TRAPPC9: variants seen among roughly 807,000 people sequenced by gnomAD.
TRAPPC9 encodes the protein IKK2 binding protein.
A neutral mutation model predicts 124.0 loss-of-function variants in TRAPPC9; 83 were observed. The ratio of observed to expected loss-of-function variants is 0.67; its 90% confidence interval spans 0.56 to 0.80. TRAPPC9 has a LOEUF of 0.80. Among genes scored for constraint, TRAPPC9 ranks in the 30% least tolerant of loss-of-function variants. The pLI is 0.00. For synonymous variants in TRAPPC9, 638 were observed against 617.5 expected, an observed-to-expected ratio of 1.03 and a Z score of -0.49; for missense variants, 1,302 against 1,508.3, an observed-to-expected ratio of 0.86 and a Z score of 2.27.
intron 15 of TRAPPC9, among the ~76,000 whole-genome samples, chr8:140,264,586 G>A (rs2064552779): frequency 7.1e-6 from 1 of 141,600 alleles, no homozygotes; most frequent in Admixed American, 7.2e-5. Flanking sequence ...GGAAAGAAGA[G>A]AGAGAGAGGA....
intron 17 of TRAPPC9, among the ~76,000 whole-genome samples, chr8:140,160,727 T>C (rs1346246387): frequency 2.0e-5 from 3 of 152,092 alleles, no homozygotes; most frequent in East Asian, 1.9e-4. Context: ...CACATCAACA[T>C]GGCACATGTA....
At chr8:140,066,734 C>T (rs1842911958) in intron 17 of TRAPPC9, among the ~76,000 whole-genome samples, 1 of 152,138 alleles carries the variant, frequency 6.6e-6, no homozygotes. Flanking sequence ...TAATGGAAAA[C>T]TATTGTGTTT....
chr8:139,843,696 C>T (rs1055518914), intron 21 of TRAPPC9, among the ~76,000 whole-genome samples: 7 of 152,086 alleles, frequency 4.6e-5, no homozygotes, highest in Non-Finnish European at 8.8e-5. Context: ...TGGAAGGGGC[C>T]GGGAGCCAAG....
chr8:139,767,700 CT>C (rs1820676073), intron 21 of TRAPPC9, among the ~76,000 whole-genome samples: 1 of 152,248 alleles, frequency 6.6e-6, no homozygotes, highest in Non-Finnish European at 1.5e-5. Flanking sequence ...AGGACAAGCA[CT>C]TCATCAAAGA....
At chr8:140,081,626 G>A (rs562711337) in intron 17 of TRAPPC9, among the ~76,000 whole-genome samples, 74 of 152,298 alleles carry the variant, frequency 4.9e-4, no homozygotes, top group South Asian at 2.1e-4. Flanking sequence ...GATGACAGGC[G>A]TGAGCACTGC....
intron 9 of TRAPPC9, among the ~76,000 whole-genome samples, chr8:140,348,197 C>T (rs1400241519): frequency 6.6e-6 from 1 of 152,240 alleles, no homozygotes; most frequent in Non-Finnish European, 1.5e-5. Context: ...GGGCAGACCA[C>T]TTCATTCACA....
rs951142146 is a variant in TRAPPC9, at chr8:140,382,680, G to T, written c.1135-11500C>A. 1.1e-4 allele frequency among the ~76,000 whole-genome samples: 16 copies of T among 152,314 alleles called. No homozygotes were observed. The East Asian group carries it at 2.7e-3, about 26-fold the overall frequency. ...GGCCGGGAAGCTTGAACTGGGTGGA[G>T]CCCAACACAGCTCAAGGAGGCCTGC... On this transcript the variant is annotated intron_variant, in intron 7 of 22. Transcript: ENST00000438773.
At chr8:139,898,562 T>C (rs1160900696) in intron 20 of TRAPPC9, among the ~76,000 whole-genome samples, 1 of 152,152 alleles carries the variant, frequency 6.6e-6, no homozygotes, top group Non-Finnish European at 1.5e-5. Flanking sequence ...TACCTGGCAC[T>C]GGAGGAAGCC....
intron 2 of TRAPPC9, among the ~76,000 whole-genome samples, chr8:140,442,509 A>G (rs893878139): frequency 9.9e-5 from 15 of 151,432 alleles, no homozygotes; most frequent in African/African-American, 3.6e-4. Context: ...GAGGCAGGAG[A>G]ATGGTGTGAA....
intron 19 of TRAPPC9, among the ~76,000 whole-genome samples, chr8:139,920,404 G>A (rs570794305): frequency 2.0e-5 from 3 of 152,208 alleles, no homozygotes; most frequent in Non-Finnish European, 2.9e-5. Context: ...TTCATTTAAA[G>A]TCTGAAAGAC....
In TRAPPC9 at chr8:140,371,060, T is replaced by C. The variant is rs758503824; in HGVS notation, c.1255A>G (p.Ser419Gly). 3.1e-6 allele frequency: 5 copies of C among 1,614,250 alleles called. No individual in the cohort carries two copies. The Admixed American group carries it at 5.0e-5, about 16-fold the overall frequency. ...GCCCTCCACCCAGGCTCCGCGATGC[T>C]TGGGGCCACGCACTGCATGGCGGCC... ...RVAAMQCVAP[S>G]IAEPGWRACY... is the part of the protein sequence containing the mutation. Residue 419 changes from serine to glycine, a missense_variant, in exon 8 of 23, where the codon AGC becomes GGC. Ser to Gly is a moderately conservative substitution (Grantham distance 56, BLOSUM62 0). Coordinates refer to ENST00000438773, the MANE Select transcript of TRAPPC9 (RefSeq NM_001160372.4).
intron 21 of TRAPPC9, among the ~76,000 whole-genome samples, chr8:139,885,216 G>C (rs1013485788): frequency 4.3e-4 from 66 of 152,318 alleles, no homozygotes; most frequent in African/African-American, 1.1e-3. Context: ...TGCTAAGCTT[G>C]TTTCTCAGCA....
In TRAPPC9 at chr8:140,087,012, C is replaced by A. The variant is rs186318752; in HGVS notation, c.2557-62933G>T. ...TGTTTCCCTGTTCTCTACAGCAGAG[C>A]TCCTGCAAGCACTGCCTGCTCGGGC... is the stretch of plus-strand genomic sequence containing the variant. On this transcript the variant is annotated intron_variant, in intron 17 of 22. Transcript: ENST00000438773. The surrounding 1 kb of genome is among the most constrained non-coding windows in gnomAD (Gnocchi z 4.6). 1.2e-4 allele frequency among the ~76,000 whole-genome samples: 19 copies of A among 152,186 alleles called. No homozygotes were observed. Among genetic ancestry groups the A allele is most frequent in the Admixed American group, 1.2e-3 (18 of 15,298 alleles).
At chr8:139,938,128 G>A (rs1587280813) in intron 19 of TRAPPC9, among the ~76,000 whole-genome samples, 1 of 152,204 alleles carries the variant, frequency 6.6e-6, no homozygotes. Context: ...ATACATTCCT[G>A]CATTGAAACA....
In TRAPPC9 at chr8:139,989,740, C is replaced by T. The variant is rs549703410; in HGVS notation, c.2700-904G>A. The stretch of plus-strand genomic sequence containing the variant: ...GGTGGCCGTGGCAGCCCTGCACTGC[C>T]GGCCTCTCTCTAGCCGTGTGAGCTC... On this transcript the variant is annotated intron_variant, in intron 18 of 22. Coordinates refer to ENST00000438773, the MANE Select transcript of TRAPPC9 (RefSeq NM_001160372.4). 6.6e-5 allele frequency among the ~76,000 whole-genome samples: 10 copies of T among 152,202 alleles called. No homozygotes were observed. The South Asian group carries it at 1.9e-3, about 28-fold the overall frequency.
intron 9 of TRAPPC9, among the ~76,000 whole-genome samples, chr8:140,359,837 C>T (rs1281597361): frequency 1.3e-5 from 2 of 152,016 alleles, no homozygotes; most frequent in East Asian, 1.9e-4. Flanking sequence ...GAGGAGATGG[C>T]GTGAAGGCGG....
Position 139,910,252 on chromosome 8 carries a change from G to C in TRAPPC9, c.2859C>G (p.Ser953=), listed in dbSNP as rs1408649352. 3.1e-6 allele frequency: 5 copies of C among 1,614,154 alleles called. No homozygotes were observed. Among genetic ancestry groups the C allele is most frequent in the Non-Finnish European group, 3.4e-6 (4 of 1,180,028 alleles). ...DKFNFESFPE[S]PGEKGQFANP... The stretch of plus-strand genomic sequence containing the variant: ...TTGCAAATTGCCCCTTCTCCCCAGG[G>C]GACTCCGGGAAACTCTCAAAGTTGA... Residue 953 remains serine, a synonymous_variant, in exon 20 of 23, where the codon TCC becomes TCG. Coordinates refer to ENST00000438773, the MANE Select transcript of TRAPPC9 (RefSeq NM_001160372.4).
At chr8:139,995,776 G>A (rs553583825) in intron 18 of TRAPPC9, among the ~76,000 whole-genome samples, 1 of 150,932 alleles carries the variant, frequency 6.6e-6, no homozygotes, top group South Asian at 2.1e-4. Flanking sequence ...AATGCCGACG[G>A]GCACCCACAT....
At chr8:140,116,491 G>A (rs2060890015) in intron 17 of TRAPPC9, among the ~76,000 whole-genome samples, 1 of 152,168 alleles carries the variant, frequency 6.6e-6, no homozygotes, top group East Asian at 1.9e-4. Context: ...GGTAAGACTT[G>A]TACAGAACCT....
Sources: allele counts gnomAD v4.1 joint callset (sites outside exome capture counted in the v4.1 genomes callset), GRCh38; gene constraint gnomAD v4.1.1; non-coding constraint Gnocchi (gnomAD v3.1); transcripts MANE v1.5; gene names NCBI Gene and HGNC (gene_info 2026-07-23, HGNC 2026-07-21).